NKAIN2: variants seen among roughly 807,000 people sequenced by gnomAD.
NKAIN2 encodes sodium/potassium transporting ATPase interacting 2, also known as sodium/potassium-transporting ATPase subunit beta-1-interacting protein 2.
NKAIN2 carries 14 observed loss-of-function variants against 32.6 expected under a neutral mutation model. That is an observed-to-expected ratio of 0.43 (90% CI 0.28 to 0.67). The LOEUF (loss-of-function observed/expected upper bound fraction) is 0.67, where lower values mean the gene tolerates loss of function less well. NKAIN2 is among the 30% of genes least tolerant of loss of function. NKAIN2 has a pLI of 0.17. For synonymous variants in NKAIN2, 80 were observed against 87.2 expected (o/e 0.92, Z 0.46); for missense variants, 198 against 258.3 (o/e 0.77, Z 1.60).
At chr6:124,324,341 C>G (rs1017325776) in intron 2 of NKAIN2, among the ~76,000 whole-genome samples, 1 of 151,784 alleles carries the variant, frequency 6.6e-6, no homozygotes, top group Admixed American at 6.6e-5. Flanking sequence ...AGATTTATAC[C>G]TAAGTATCTG....
intron 1 of NKAIN2, among the ~76,000 whole-genome samples, chr6:123,809,349 A>G (rs374791770): frequency 7.2e-3 from 1 of 138 alleles, no homozygotes; most frequent in Non-Finnish European, 0.022. Flanking sequence ...ACCTTTTTTC[A>G]TACAATGATA....
At chr6:124,735,882 C>T (rs1289961343) in intron 4 of NKAIN2, among the ~76,000 whole-genome samples, 1 of 151,814 alleles carries the variant, frequency 6.6e-6, no homozygotes, top group Non-Finnish European at 1.5e-5. Flanking sequence ...CTTTCATACA[C>T]AACAATATTG....
intron 4 of NKAIN2, among the ~76,000 whole-genome samples, chr6:124,687,277 G>GAGAGAGAATATATATATTCTATAT (rs1562324408): frequency 1.6e-5 from 2 of 124,392 alleles, no homozygotes; most frequent in Non-Finnish European, 3.3e-5. Flanking sequence ...TCTATATATA[G>GAGAGAGAATATATATATTCTATAT]AGAGAGAATA....
chr6:124,387,198 T>A (rs1772937520), intron 3 of NKAIN2, among the ~76,000 whole-genome samples: 1 of 152,152 alleles, frequency 6.6e-6, no homozygotes, highest in African/African-American at 2.4e-5. Context: ...TATATCTTTT[T>A]AAAGTTGATT....
At chr6:123,960,552 C>G (rs182160882) in intron 1 of NKAIN2, among the ~76,000 whole-genome samples, 1 of 152,150 alleles carries the variant, frequency 6.6e-6, no homozygotes, top group East Asian at 1.9e-4. Context: ...GAAGGAAAGT[C>G]TTCACATGGT....
intron 3 of NKAIN2, among the ~76,000 whole-genome samples, chr6:124,526,156 C>A (rs1356829100): frequency 2.0e-5 from 3 of 151,922 alleles, no homozygotes; most frequent in Non-Finnish European, 4.4e-5. Flanking sequence ...CAAGACATGG[C>A]AAGCAATATG....
intron 3 of NKAIN2, among the ~76,000 whole-genome samples, chr6:124,579,012 C>T (rs188556272): frequency 4.1e-4 from 63 of 152,268 alleles, no homozygotes; most frequent in Admixed American, 2.6e-3. Flanking sequence ...TATGAGTTTG[C>T]GCAAGCCACA....
At chr6:124,630,740 G>C (rs952832454) in intron 3 of NKAIN2, among the ~76,000 whole-genome samples, 1 of 151,562 alleles carries the variant, frequency 6.6e-6, no homozygotes, top group African/African-American at 2.4e-5. Context: ...TCTCTTTATG[G>C]AAAATGATTA....
chr6:124,374,863 A>G (rs1201839922), intron 3 of NKAIN2, among the ~76,000 whole-genome samples: 1 of 152,102 alleles, frequency 6.6e-6, no homozygotes, highest in Non-Finnish European at 1.5e-5. Flanking sequence ...CTAAAATGAT[A>G]ATAATATATT....
rs553630149 is a variant in NKAIN2 at position 124,002,516 on chromosome 6, G to C, written c.54+198262G>C. On this transcript the variant is annotated intron_variant, in intron 1 of 6. Transcript: ENST00000368417. ...CTGAGTTATTTCAAATGTCTCCTTG[G>C]GTATTATCCTGACCAGTAATCCACC... 3.3e-5 allele frequency among the ~76,000 whole-genome samples: 5 copies of C among 151,434 alleles called. No homozygotes were observed. The East Asian group carries it at 9.7e-4, about 29-fold the overall frequency.
At chr6:124,056,331 T>C (rs1017810513) in intron 1 of NKAIN2, among the ~76,000 whole-genome samples, 5 of 151,866 alleles carry the variant, frequency 3.3e-5, no homozygotes, top group Admixed American at 2.0e-4. Context: ...CTGACTCTTA[T>C]CAAGCATTGG....
intron 3 of NKAIN2, among the ~76,000 whole-genome samples, chr6:124,656,982 C>CA (rs1178153380): frequency 8.6e-5 from 13 of 151,902 alleles, no homozygotes; most frequent in Middle Eastern, 3.4e-3. Context: ...AACAGGCTTG[C>CA]AAAAAAAAGA....
chr6:123,964,653 G>A lies in NKAIN2; in HGVS notation c.54+160399G>A, dbSNP rs902674775. Among the ~76,000 whole-genome samples, 4 of 152,096 alleles carry A rather than the reference G, an allele frequency of 2.6e-5. No homozygotes were observed. The highest frequency in any genetic ancestry group is 2.1e-4 in the South Asian group (1 of 4,820). ...TAATTTTTAAGAGAAAATGTCAAAC[G>A]GTTTTGGAGTGTTGCCCAGCCACTT... On this transcript the variant is annotated intron_variant, in intron 1 of 6. Transcript: ENST00000368417. The surrounding 1 kb of genome is among the most constrained non-coding windows in gnomAD (Gnocchi z 4.0).
intron 3 of NKAIN2, among the ~76,000 whole-genome samples, chr6:124,626,225 A>AACTT (rs1783337072): frequency 6.6e-6 from 1 of 151,658 alleles, no homozygotes; most frequent in Non-Finnish European, 1.5e-5. Context: ...CCATGGTCTG[A>AACTT]ACTTAGTGGA....
At chr6:124,198,542 C>G (rs565090959) in intron 1 of NKAIN2, among the ~76,000 whole-genome samples, 4 of 151,918 alleles carry the variant, frequency 2.6e-5, no homozygotes, top group South Asian at 4.2e-4. Context: ...GATTGCAGTT[C>G]CAAGAGTTTC....
At chr6:124,523,130 G>A (rs1316918176) in intron 3 of NKAIN2, among the ~76,000 whole-genome samples, 1 of 20,770 alleles carries the variant, frequency 4.8e-5, no homozygotes, top group Non-Finnish European at 1.0e-3. Flanking sequence ...GCGACAGAGC[G>A]AGACTCCGTC....
intron 1 of NKAIN2, among the ~76,000 whole-genome samples, chr6:124,089,964 T>TATA (rs1784348572): frequency 6.6e-6 from 1 of 151,958 alleles, no homozygotes; most frequent in Admixed American, 6.6e-5. Context: ...CAGTTTGCTA[T>TATA]AGTACATGTA....
At chr6:124,094,734 T>A (rs1362404149) in intron 1 of NKAIN2, among the ~76,000 whole-genome samples, 1 of 152,132 alleles carries the variant, frequency 6.6e-6, no homozygotes, top group African/African-American at 2.4e-5. Flanking sequence ...TTTTACATAG[T>A]GAGGCAGTTA....
chr6:124,500,474 C>A (rs1390371658), intron 3 of NKAIN2, among the ~76,000 whole-genome samples: 1 of 151,858 alleles, frequency 6.6e-6, no homozygotes, highest in Non-Finnish European at 1.5e-5. Context: ...CATGGTGAAA[C>A]CCCATCTCCA....
Sources: gnomAD v4.1 joint callset for allele counts (sites outside exome capture counted in the v4.1 genomes callset) on GRCh38, gnomAD v4.1.1 for gene constraint, Gnocchi (gnomAD v3.1) non-coding constraint, MANE v1.5 for transcripts, NCBI Gene and HGNC (gene_info 2026-07-23, HGNC 2026-07-21) for gene names.